The following NRXN3 variants were observed in gnomAD, a reference collection of about 807,000 sequenced individuals.
The protein encoded by NRXN3 is neurexin 3.
Under a neutral mutation model 137.6 loss-of-function variants are expected in NRXN3, and 32 were observed. That is an observed-to-expected ratio of 0.23 (90% CI 0.18 to 0.31). The LOEUF (loss-of-function observed/expected upper bound fraction) is 0.31. Ranked by LOEUF, NRXN3 falls within the 10% of genes least tolerant of loss-of-function variation. The pLI is 1.00. For synonymous variants in NRXN3, 798 were observed against 784.5 expected, an observed-to-expected ratio of 1.02 and a Z score of -0.29; for missense variants, 1,574 against 2,062.5, an observed-to-expected ratio of 0.76 and a Z score of 4.59.
At chr14:78,974,147 C>T (rs1198849172) in intron 14 of NRXN3, among the ~76,000 whole-genome samples, 1 of 152,070 alleles carries the variant, frequency 6.6e-6, no homozygotes, top group Non-Finnish European at 1.5e-5. Flanking sequence ...ATAGAGGGCC[C>T]TTGTGGCAAT....
chr14:78,531,201 A>T lies in NRXN3; in HGVS notation c.758-113919A>T, dbSNP rs536279591. The stretch of plus-strand genomic sequence containing the variant: ...ATGAGGAAGCTTAGGACAGGAGCTG[A>T]TGGAGATTAGCCAAAATGTCAGAGT... On this transcript the variant is annotated intron_variant, in intron 4 of 20. Coordinates refer to ENST00000335750, the MANE Select transcript of NRXN3 (RefSeq NM_001330195.2). Among the ~76,000 whole-genome samples, 26 of 152,260 alleles carry T rather than the reference A, an allele frequency of 1.7e-4. No individual in the cohort carries two copies. In the South Asian group the frequency reaches 4.4e-3, roughly 26 times the overall value.
intron 1 of NRXN3, among the ~76,000 whole-genome samples, chr14:78,177,195 G>C (rs2059354554): frequency 6.6e-6 from 1 of 152,178 alleles, no homozygotes. Context: ...TTCTCACGAA[G>C]GGAAGCATGA....
At chr14:78,552,160 C>T (rs1414944661) in intron 4 of NRXN3, among the ~76,000 whole-genome samples, 1 of 152,216 alleles carries the variant, frequency 6.6e-6, no homozygotes, top group African/African-American at 2.4e-5. Context: ...ACCATCTTGG[C>T]TGTGTGCTAT....
chr14:79,576,802 G>A (rs1313264117), intron 16 of NRXN3, among the ~76,000 whole-genome samples: 1 of 152,062 alleles, frequency 6.6e-6, no homozygotes, highest in Non-Finnish European at 1.5e-5. Context: ...ATTATCCTAA[G>A]CTTTCTCAGA....
intron 12 of NRXN3, 125 bp from the exon 13 acceptor site, chr14:78,967,082 AT>A: frequency 1.4e-6 from 1 of 736,898 alleles, no homozygotes; most frequent in South Asian, 2.0e-5. Context: ...CAAGATTTAA[AT>A]TATTCCTGCA....
At chr14:78,828,684 C>T (rs186491797) in intron 10 of NRXN3, among the ~76,000 whole-genome samples, 2 of 152,210 alleles carry the variant, frequency 1.3e-5, no homozygotes, top group East Asian at 3.9e-4. Flanking sequence ...GACTAGCTAC[C>T]CAGAATTCCA....
At chr14:79,270,191 A>G (rs565821028) in intron 15 of NRXN3, among the ~76,000 whole-genome samples, 1 of 152,304 alleles carries the variant, frequency 6.6e-6, no homozygotes, top group East Asian at 1.9e-4. Context: ...ACTTGAGCAT[A>G]CCCTGTGATG....
intron 15 of NRXN3, among the ~76,000 whole-genome samples, chr14:79,449,296 C>A (rs147656461): frequency 1.3e-5 from 2 of 152,126 alleles, no homozygotes; most frequent in Admixed American, 6.5e-5. Flanking sequence ...CATGCCCCTT[C>A]GAATCCCTTC....
At chr14:79,065,232 C>G (rs1268918006) in intron 15 of NRXN3, among the ~76,000 whole-genome samples, 1 of 151,932 alleles carries the variant, frequency 6.6e-6, no homozygotes, top group Non-Finnish European at 1.5e-5. Context: ...CCCTGATACA[C>G]TGGGTATTCT....
At chr14:78,222,327 CACACAT>C (rs2063939169) in intron 1 of NRXN3, among the ~76,000 whole-genome samples, 1 of 144,420 alleles carries the variant, frequency 6.9e-6, no homozygotes, top group Non-Finnish European at 1.5e-5. Context: ...GGCACACACA[CACACAT>C]ACACACACAC....
chr14:79,386,581 C>T (rs2094626298), intron 15 of NRXN3, among the ~76,000 whole-genome samples: 1 of 152,182 alleles, frequency 6.6e-6, no homozygotes, highest in Admixed American at 6.5e-5. Context: ...TGACTTTCTT[C>T]ACAGAGTTGG....
chr14:78,934,940 C>A (rs2099331202), intron 10 of NRXN3, among the ~76,000 whole-genome samples: 1 of 149,402 alleles, frequency 6.7e-6, no homozygotes. Context: ...TGCACATGTA[C>A]CCTAAAACTT....
chr14:78,396,438 G>A (rs2091463506), intron 4 of NRXN3, among the ~76,000 whole-genome samples: 1 of 152,104 alleles, frequency 6.6e-6, no homozygotes, highest in Non-Finnish European at 1.5e-5. Context: ...TGTTCTTCCT[G>A]ATGTTTTGAT....
chr14:78,679,028 C>G (rs1330803774), intron 6 of NRXN3, among the ~76,000 whole-genome samples: 1 of 152,182 alleles, frequency 6.6e-6, no homozygotes, highest in Non-Finnish European at 1.5e-5. Context: ...GGGCCATACT[C>G]TCCTTCAGAC....
chr14:79,502,011 T>G (rs193073379), intron 16 of NRXN3, among the ~76,000 whole-genome samples: 1 of 152,322 alleles, frequency 6.6e-6, no homozygotes, highest in East Asian at 1.9e-4. Flanking sequence ...GATCTGATTC[T>G]TACATTTGGA....
rs1308155208 is a variant in NRXN3, at chr14:79,140,360, G to A, written c.3262+152219G>A. ...TGTTATATGGGATTTGAGAGATTTTGAAAACATGGCCTTTTTCTTGCCGTT... is the reference window on the plus strand; with the variant it reads ...TGTTATATGGGATTTGAGAGATTTTAAAAACATGGCCTTTTTCTTGCCGTT... On this transcript the variant is annotated intron_variant, in intron 15 of 20. Coordinates refer to ENST00000335750, the MANE Select transcript of NRXN3 (RefSeq NM_001330195.2). Among the ~76,000 whole-genome samples, 3 of 152,092 alleles carry A rather than the reference G, an allele frequency of 2.0e-5. No individual in the cohort carries two copies. The East Asian group carries it at 5.8e-4, about 29-fold the overall frequency.
chr14:78,228,533 G>A (rs2064981797), intron 1 of NRXN3, among the ~76,000 whole-genome samples: 1 of 152,170 alleles, frequency 6.6e-6, no homozygotes, highest in African/African-American at 2.4e-5. Context: ...AACATTTACT[G>A]AATGCTTGTT....
chr14:79,588,096 T>G (rs1358433444), intron 16 of NRXN3, among the ~76,000 whole-genome samples: 1 of 152,206 alleles, frequency 6.6e-6, no homozygotes, highest in Non-Finnish European at 1.5e-5. Context: ...GTGTCAATTC[T>G]GAGCAATTTT....
At chr14:79,287,175 A>T (rs1250145268) in intron 15 of NRXN3, among the ~76,000 whole-genome samples, 1 of 152,168 alleles carries the variant, frequency 6.6e-6, no homozygotes, top group Non-Finnish European at 1.5e-5. Context: ...TCATTTACAT[A>T]GTACTCTGAG....
Sources: gnomAD v4.1 joint callset for allele counts (sites outside exome capture counted in the v4.1 genomes callset) on GRCh38, gnomAD v4.1.1 for gene constraint, MANE v1.5 for transcripts, NCBI Gene and HGNC (gene_info 2026-07-23, HGNC 2026-07-21) for gene names.